Variants in PTGES3L observed in about 807,000 individuals in gnomAD.
The protein encoded by PTGES3L is putative protein PTGES3L.
PTGES3L carries 17 observed loss-of-function variants against 25.0 expected under a neutral mutation model. The ratio of observed to expected loss-of-function variants is 0.68; its 90% CI spans 0.47 to 1.02. The LOEUF is 1.02. Among genes scored for constraint, PTGES3L ranks in the 50% least tolerant of loss-of-function variants. The probability of loss-of-function intolerance (pLI) is 0.00; values close to 1 mark genes in which losing one functional copy is unlikely to be tolerated. For synonymous variants in PTGES3L, 59 were observed against 65.7 expected, an observed-to-expected ratio of 0.90 and a Z score of 0.50; for missense variants, 202 against 197.5, an observed-to-expected ratio of 1.02 and a Z score of -0.14.
intron 4 of PTGES3L, among the ~76,000 whole-genome samples, chr17:42,974,033 A>C (rs1198783717): frequency 1.3e-5 from 2 of 151,910 alleles, no homozygotes; most frequent in African/African-American, 4.8e-5. Flanking sequence ...AATAAAAAAA[A>C]ATAAAGCAAC....
At chr17:42,969,474 C>A (rs909718411) in intron 6 of PTGES3L, among the ~76,000 whole-genome samples, 2 of 137,258 alleles carry the variant, frequency 1.5e-5, no homozygotes, top group Admixed American at 8.2e-5. Flanking sequence ...GTGGCATGAT[C>A]TCAGCTCAGT....
At chr17:42,973,353 C>T (rs1197836797) in intron 4 of PTGES3L, among the ~76,000 whole-genome samples, 9 of 37,088 alleles carry the variant, frequency 2.4e-4, no homozygotes, top group Non-Finnish European at 4.7e-4. Flanking sequence ...CCAGCCGCCC[C>T]GTCCGGGAGG....
chr17:42,970,884 G>A (rs1451236191), intron 5 of PTGES3L, among the ~76,000 whole-genome samples: 3 of 151,934 alleles, frequency 2.0e-5, no homozygotes, highest in Admixed American at 6.6e-5. Context: ...GCGCATGCCT[G>A]TAATCCCAGC....
At chr17:42,971,572 C>A in intron 5 of PTGES3L, 35 bp downstream of exon 5, 1 of 1,610,940 alleles carries the variant, frequency 6.2e-7, no homozygotes, top group South Asian at 1.1e-5. Flanking sequence ...AAAGAATGAT[C>A]AAGTGGGCAG....
chr17:42,977,366 C>T (rs1330683788), intron 4 of PTGES3L, among the ~76,000 whole-genome samples: 2 of 150,512 alleles, frequency 1.3e-5, no homozygotes, highest in Non-Finnish European at 1.5e-5. Flanking sequence ...ACAGAGGTTG[C>T]AGTGAGCTGA....
At position 42,968,813 on chromosome 17, in the gene PTGES3L, C is replaced by A; in HGVS notation, c.*335G>T. The A allele has an allele frequency of 3.8e-6, 1 of 262,374 alleles. No homozygotes were observed. Among genetic ancestry groups the A allele is most frequent in the Non-Finnish European group, 7.2e-6 (1 of 139,328 alleles). The allele number at this position is 262,374 out of a possible 1,614,324, so 16.3% of individuals were successfully genotyped here. ...CACACATAGTAGAGATTTCTATAATCTGCATTCTTCTTTGGCTTTTGTTTT... is the reference window on the plus strand; with the variant it reads ...CACACATAGTAGAGATTTCTATAATATGCATTCTTCTTTGGCTTTTGTTTT... On this transcript the variant is annotated 3_prime_UTR_variant, in exon 7 of 7. Coordinates refer to ENST00000591916, the MANE Select transcript of PTGES3L (RefSeq NM_001261430.2).
chr17:42,972,049 G>A (rs1033644321), intron 4 of PTGES3L: 9 of 233,114 alleles, frequency 3.9e-5, no homozygotes, highest in African/African-American at 1.4e-4. Context: ...TTATCCGGGC[G>A]TGGTGACGGG....
chr17:42,976,348 T>G (rs977123055), intron 4 of PTGES3L, among the ~76,000 whole-genome samples: 6 of 152,152 alleles, frequency 3.9e-5, no homozygotes, highest in Non-Finnish European at 7.4e-5. Flanking sequence ...CAGCAACTAA[T>G]AAAAATTTTT....
At chr17:42,977,849 C>T (rs551613652) in intron 4 of PTGES3L, among the ~76,000 whole-genome samples, 4 of 151,880 alleles carry the variant, frequency 2.6e-5, no homozygotes, top group African/African-American at 7.3e-5. Context: ...GAGGCCGATG[C>T]AGGTGGATCA....
intron 4 of PTGES3L, among the ~76,000 whole-genome samples, chr17:42,977,668 G>GGAGAGA (rs145991932): frequency 1.4e-4 from 19 of 140,042 alleles, no homozygotes; most frequent in African/African-American, 3.3e-4. Context: ...AGGAAGGGAG[G>GGAGAGA]GAGAGAGAGA....
At chr17:42,979,695 G>C (rs547782163) in intron 1 of PTGES3L, 32 bp from the exon 2 acceptor site, 2 of 1,605,182 alleles carry the variant, frequency 1.2e-6, no homozygotes, top group African/African-American at 2.7e-5. Context: ...GCTTCATAGG[G>C]GTGGGAGAGG....
chr17:42,979,304 G>A (rs1345879060), intron 3 of PTGES3L, 36 bp from the exon 4 acceptor site: 1 of 1,613,966 alleles, frequency 6.2e-7, no homozygotes, highest in Non-Finnish European at 8.5e-7. Flanking sequence ...AGGGTCTGGG[G>A]TTTAGAATTA....
At chr17:42,977,694 A>AAG (rs1333631236) in intron 4 of PTGES3L, among the ~76,000 whole-genome samples, 2 of 150,022 alleles carry the variant, frequency 1.3e-5, no homozygotes, top group African/African-American at 5.0e-5. Flanking sequence ...AAAGAAAGAA[A>AAG]AGAAAGAAAG....
intron 6 of PTGES3L, 114 bp downstream of exon 6, chr17:42,970,175 G>T: frequency 1.6e-6 from 2 of 1,244,710 alleles, no homozygotes; most frequent in South Asian, 1.3e-5. Flanking sequence ...ACTCAAATTT[G>T]GTTAACAGGC....
At chr17:42,971,946 T>C (rs2049844959) in intron 4 of PTGES3L, 3 of 407,800 alleles carry the variant, frequency 7.4e-6, no homozygotes, top group South Asian at 5.3e-5. Context: ...TCTCAGCACT[T>C]TGGAAGGCCG....
rs1378414709 is a variant in PTGES3L at position 42,968,875 on chromosome 17, C to T, written c.*273G>A. ...ACACATACTCAAATAATCAAGTGGC[C>T]TAAACACAGAGATTAGAAACCAATC... On this transcript the variant is annotated 3_prime_UTR_variant, in exon 7 of 7. Coordinates refer to ENST00000591916, the MANE Select transcript of PTGES3L (RefSeq NM_001261430.2). The T allele has an allele frequency of 2.4e-6, 1 of 423,544 alleles. No homozygotes were observed. The highest frequency in any genetic ancestry group is 4.2e-6 in the Non-Finnish European group (1 of 236,416). The allele number at this position is 423,544 out of a possible 1,614,324, so 26.2% of individuals were successfully genotyped here.
intron 5 of PTGES3L, among the ~76,000 whole-genome samples, 195 bp downstream of exon 5, chr17:42,971,412 A>G (rs2151947695): frequency 6.6e-6 from 1 of 152,362 alleles, no homozygotes; most frequent in South Asian, 2.1e-4. Flanking sequence ...TATAATTTCA[A>G]TAATATTCTT....
intron 4 of PTGES3L, chr17:42,972,125 T>G: frequency 1.3e-5 from 2 of 155,956 alleles, no homozygotes; most frequent in Middle Eastern, 3.3e-3. Flanking sequence ...GAGGCGGAGG[T>G]CGCAGTGAGC....
At chr17:42,971,448 T>C (rs890628032) in intron 5 of PTGES3L, among the ~76,000 whole-genome samples, 159 bp downstream of exon 5, 2 of 152,170 alleles carry the variant, frequency 1.3e-5, no homozygotes, top group Non-Finnish European at 2.9e-5. Flanking sequence ...TAAATAAACA[T>C]TGCACAAAAT....
Sources: gnomAD v4.1 joint callset for allele counts (sites outside exome capture counted in the v4.1 genomes callset) on GRCh38, gnomAD v4.1.1 for gene constraint, MANE v1.5 for transcripts, NCBI Gene and HGNC (gene_info 2026-07-23, HGNC 2026-07-21) for gene names.